The following MAML2 variants were observed in gnomAD, a reference collection of about 807,000 sequenced individuals.
MAML2 encodes mastermind-like protein 2.
MAML2 carries 22 observed loss-of-function variants against 96.1 expected under a neutral mutation model. The observed-to-expected ratio is 0.23, with a 90% CI of 0.16 to 0.33. The LOEUF is 0.33. Ranked by LOEUF, MAML2 falls within the 10% of genes least tolerant of loss-of-function variation. The probability of loss-of-function intolerance (pLI) is 1.00; values close to 1 mark genes in which losing one functional copy is unlikely to be tolerated. For synonymous variants in MAML2, 561 were observed against 521.3 expected (o/e 1.08, Z -1.04); for missense variants, 1,367 against 1,392.4 (o/e 0.98, Z 0.29).
intron 1 of MAML2, among the ~76,000 whole-genome samples, chr11:96,268,250 G>A (rs1862858994): frequency 6.6e-6 from 1 of 152,192 alleles, no homozygotes; most frequent in South Asian, 2.1e-4. Flanking sequence ...TGAGGAGGGA[G>A]AGTCACTTGA....
intron 1 of MAML2, among the ~76,000 whole-genome samples, chr11:96,127,446 C>T (rs983863475): frequency 6.6e-6 from 1 of 152,116 alleles, no homozygotes; most frequent in Non-Finnish European, 1.5e-5. Context: ...AGCAGAGTCT[C>T]CACTAAAATC....
At chr11:96,084,770 A>G (rs1417093551) in intron 2 of MAML2, among the ~76,000 whole-genome samples, 1 of 152,178 alleles carries the variant, frequency 6.6e-6, no homozygotes, top group African/African-American at 2.4e-5. Context: ...TGCGATACAC[A>G]CACTCCTGTG....
chr11:96,307,586 C>T (rs1238177811), intron 1 of MAML2, among the ~76,000 whole-genome samples: 1 of 152,138 alleles, frequency 6.6e-6, no homozygotes, highest in Admixed American at 6.5e-5. Flanking sequence ...ATTCCTGAAA[C>T]TGCAAAATTG....
intron 1 of MAML2, among the ~76,000 whole-genome samples, chr11:96,240,879 A>G (rs898836697): frequency 6.6e-6 from 1 of 152,222 alleles, no homozygotes; most frequent in African/African-American, 2.4e-5. Context: ...AAAAGTTATA[A>G]TTAAGATGTC....
At chr11:96,284,136 G>A (rs1863108275) in intron 1 of MAML2, among the ~76,000 whole-genome samples, 2 of 152,110 alleles carry the variant, frequency 1.3e-5, no homozygotes, top group South Asian at 4.2e-4. Context: ...AAGGAAAGTC[G>A]TTTCTCCACT....
chr11:96,179,502 T>A (rs1861449977), intron 1 of MAML2, among the ~76,000 whole-genome samples: 1 of 152,146 alleles, frequency 6.6e-6, no homozygotes, highest in Non-Finnish European at 1.5e-5. Flanking sequence ...GAATGTAAGA[T>A]GAAAAATGGG....
At chr11:96,246,074 C>T (rs577643345) in intron 1 of MAML2, among the ~76,000 whole-genome samples, 1 of 152,110 alleles carries the variant, frequency 6.6e-6, no homozygotes, top group South Asian at 2.1e-4. Flanking sequence ...ATGCTAGGCA[C>T]TGGGGACACA....
rs748466064 is a variant in MAML2, at chr11:96,341,424, C to G, written c.472G>C (p.Ala158Pro). 6.5e-7 allele frequency: 1 copy of G among 1,545,846 alleles called. No individual in the cohort carries two copies. The highest frequency in any genetic ancestry group is 8.7e-7 in the Non-Finnish European group (1 of 1,143,596). The change falls in exon 1 of 5, where the codon GCT becomes CCT. Residue 158 changes from alanine to proline, a missense_variant. Transcript: ENST00000524717. ...TTCCTCTGGTCCCCTGGGGTTGAAGCGGGCGGCTGCTGCTCTCCGTTTATC... is the reference window on the plus strand; with the variant it reads ...TTCCTCTGGTCCCCTGGGGTTGAAGGGGGCGGCTGCTGCTCTCCGTTTATC... ...GGINGEQQPP[A>P]STPGDQRNSA...
At chr11:96,037,040 G>A (rs1465039742) in intron 2 of MAML2, among the ~76,000 whole-genome samples, 1 of 152,190 alleles carries the variant, frequency 6.6e-6, no homozygotes, top group African/African-American at 2.4e-5. Flanking sequence ...GGTTGTTCCT[G>A]CACTGCCGTC....
chr11:96,311,890 T>C (rs1228532062), intron 1 of MAML2, among the ~76,000 whole-genome samples: 1 of 152,082 alleles, frequency 6.6e-6, no homozygotes, highest in African/African-American at 2.4e-5. Context: ...TCTTTGCCAG[T>C]GTAGCATGTA....
chr11:96,039,292 G>A (rs1858767836), intron 2 of MAML2, among the ~76,000 whole-genome samples: 1 of 145,814 alleles, frequency 6.9e-6, no homozygotes, highest in Non-Finnish European at 1.5e-5. Context: ...AGACAGAGGT[G>A]AGAGAAGAGA....
At chr11:95,998,757 TG>T (rs1182256719) in intron 2 of MAML2, among the ~76,000 whole-genome samples, 4 of 152,178 alleles carry the variant, frequency 2.6e-5, no homozygotes, top group African/African-American at 9.6e-5. Context: ...TCTTTTAGCT[TG>T]AGGCAAATAA....
At chr11:96,169,299 A>G (rs911099116) in intron 1 of MAML2, among the ~76,000 whole-genome samples, 5 of 152,204 alleles carry the variant, frequency 3.3e-5, no homozygotes, top group African/African-American at 9.6e-5. Flanking sequence ...CTTATCCAGC[A>G]CTCAGCTGTA....
At chr11:96,293,180 TG>T (rs899833952) in intron 1 of MAML2, among the ~76,000 whole-genome samples, 6 of 152,232 alleles carry the variant, frequency 3.9e-5, no homozygotes, top group African/African-American at 1.4e-4. Flanking sequence ...ATATTACCCC[TG>T]TAATGTGCCA....
At chr11:96,291,677 T>C (rs1863212872) in intron 1 of MAML2, among the ~76,000 whole-genome samples, 2 of 152,228 alleles carry the variant, frequency 1.3e-5, no homozygotes, top group Admixed American at 1.3e-4. Flanking sequence ...TTCTCTTTTG[T>C]GTATTTGTGT....
At chr11:96,284,656 G>A (rs924418174) in intron 1 of MAML2, among the ~76,000 whole-genome samples, 3 of 152,194 alleles carry the variant, frequency 2.0e-5, no homozygotes, top group Admixed American at 6.5e-5. Context: ...AGCTCCTACT[G>A]TGTAAGACCA....
rs150434979 is a variant in MAML2 at position 96,166,148 on chromosome 11, CTGTCTG to C, written c.514-72637_514-72632del. Reference sequence around the variant, plus strand: ...TCTCTCTTTCTCTGTCTCTCTCTCTCTGTCTGTCTCTCTCTCTCTCTCTCTCTCTCA... The same window carrying C: ...TCTCTCTTTCTCTGTCTCTCTCTCTCTCTCTCTCTCTCTCTCTCTCTCTCA... On this transcript the variant is annotated intron_variant, in intron 1 of 4. Transcript: ENST00000524717. Among the ~76,000 whole-genome samples, 35 of 109,356 alleles carry C rather than the reference CTGTCTG, an allele frequency of 3.2e-4. No homozygotes were observed. In the East Asian group the frequency reaches 5.2e-3, roughly 16 times the overall value. 71.7% of individuals were successfully genotyped at this position (109,356 alleles called of 152,430 possible).
chr11:96,274,208 T>C (rs2135981527), intron 1 of MAML2, among the ~76,000 whole-genome samples: 1 of 151,850 alleles, frequency 6.6e-6, no homozygotes, highest in South Asian at 2.1e-4. Flanking sequence ...TGAGCCTTTC[T>C]GCTAGCTGGG....
intron 1 of MAML2, among the ~76,000 whole-genome samples, chr11:96,097,578 C>T (rs1375848299): frequency 2.0e-5 from 3 of 152,108 alleles, no homozygotes; most frequent in African/African-American, 7.2e-5. Flanking sequence ...AGGCATGGGA[C>T]ACACAGTGCC....
Sources: allele counts gnomAD v4.1 joint callset (sites outside exome capture counted in the v4.1 genomes callset), GRCh38; gene constraint gnomAD v4.1.1; transcripts MANE v1.5; gene names NCBI Gene and HGNC (gene_info 2026-07-23, HGNC 2026-07-21).